The following SPATA3 variants were observed in gnomAD, a reference collection of about 807,000 sequenced individuals.
SPATA3 encodes spermatogenesis associated 3.
In SPATA3, 6 loss-of-function variants were observed where a neutral mutation model predicts 5.7. That is an observed-to-expected ratio of 1.06 (90% confidence interval 0.58 to 2.09). SPATA3 has a LOEUF of 2.09. SPATA3 is among the 30% of genes most tolerant of loss of function. The pLI is 0.00. For missense variants in SPATA3, 155 were observed against 130.4 expected (o/e 1.19, Z -0.92); for synonymous variants, 44 against 48.4 (o/e 0.91, Z 0.37).
At chr2:230,997,618 A>G (rs1374097710) in intron 1 of SPATA3, among the ~76,000 whole-genome samples, 2 of 152,266 alleles carry the variant, frequency 1.3e-5, no homozygotes, top group Non-Finnish European at 2.9e-5. Context: ...CATTAGTGAC[A>G]GAAAGCCTTC....
In SPATA3 at chr2:230,998,382, C is replaced by T. The variant is rs556927006; in HGVS notation, c.791-1984C>T. On this transcript the variant is annotated intron_variant, in intron 1 of 2. Transcript: ENST00000645363. ...GAGAGAAACATTTCTGGGTTATGAT[C>T]TTCAGAACTGGCATCTTCAGTACTG... 3.3e-5 allele frequency among the ~76,000 whole-genome samples: 5 copies of T among 152,304 alleles called. No individual in the cohort carries two copies. The East Asian group carries it at 9.6e-4, about 29-fold the overall frequency.
exon 2 of SPATA3, chr2:231,000,418 C>T (rs997970000): frequency 1.3e-6 from 2 of 1,545,628 alleles, no homozygotes; most frequent in Non-Finnish European, 1.7e-6. Flanking sequence ...CTTGCCCCTG[C>T]AGCTCCGCTT....
At chr2:231,007,811 A>G (rs938462140), downstream of SPATA3, among the ~76,000 whole-genome samples, 2 of 152,176 alleles carry the variant, frequency 1.3e-5, no homozygotes, top group Non-Finnish European at 2.9e-5. Flanking sequence ...TCTTAGTTCA[A>G]GGTGATCCCA....
chr2:231,002,414 C>T (rs975904374), intron 2 of SPATA3, among the ~76,000 whole-genome samples: 16 of 152,174 alleles, frequency 1.1e-4, no homozygotes, highest in African/African-American at 3.9e-4. Flanking sequence ...TCACAGCAGA[C>T]TTGACCACCT....
In SPATA3 at chr2:231,018,499, G is replaced by A. The variant is rs150029910; in HGVS notation, c.*566-1221G>A. ...TGGCCCTCTTTTAGTCTCATAGTTT[G>A]TGTGGTCCCTATGCACATGTTCTTG... On this transcript the variant is annotated intron_variant, in intron 6 of 8. Coordinates refer to the SPATA3 transcript ENST00000452881. Among the ~76,000 whole-genome samples the A allele has an allele frequency of 1.6e-3, 247 of 151,672 alleles. 4 individuals carry two copies. The highest frequency in any genetic ancestry group is 5.6e-3 in the African/African-American group (232 of 41,316).
chr2:231,009,475 G>A (rs1164381077), downstream of SPATA3, among the ~76,000 whole-genome samples: 1 of 152,202 alleles, frequency 6.6e-6, no homozygotes, highest in East Asian at 1.9e-4. Context: ...GCTGTTAGTA[G>A]TGAAGGCCAA....
chr2:231,001,213 A>T (rs1436675689), intron 2 of SPATA3, among the ~76,000 whole-genome samples: 1 of 152,038 alleles, frequency 6.6e-6, no homozygotes, highest in African/African-American at 2.4e-5. Flanking sequence ...CACCGCCCTC[A>T]TAGGAAGACC....
At chr2:231,002,787 T>G (rs1005030823) in exon 3 of SPATA3, 1 of 1,493,336 alleles carries the variant, frequency 6.7e-7, no homozygotes, top group Non-Finnish European at 8.9e-7. Flanking sequence ...ACTACATCAC[T>G]GAATCCTTGT....
intron 1 of SPATA3, chr2:230,999,606 T>C (rs1692268574): frequency 6.2e-6 from 1 of 161,036 alleles, no homozygotes; most frequent in African/African-American, 2.4e-5. Context: ...CAGGAGGGAA[T>C]AATCCAGCCA....
Position 231,015,320 on chromosome 2 carries a change from G to A in SPATA3, c.*565+1108G>A, listed in dbSNP as rs1028920057. ...TCACCATGTTGACCAGGCTGATCTC[G>A]AGCCACCTGCCTTGGCCTCCCAAAG... On this transcript the variant is annotated intron_variant, in intron 6 of 8. Transcript: ENST00000452881. Among the ~76,000 whole-genome samples the A allele has an allele frequency of 3.9e-5, 5 of 129,634 alleles. No individual in the cohort carries two copies. The Admixed American group carries it at 3.9e-4, about 10-fold the overall frequency. 85.0% of individuals were successfully genotyped at this position (129,634 alleles called of 152,430 possible).
Position 231,012,850 on chromosome 2 carries a change from T to A in SPATA3, c.*226+153T>A, listed in dbSNP as rs540680303. 5.3e-5 allele frequency among the ~76,000 whole-genome samples: 8 copies of A among 152,328 alleles called. No individual in the cohort carries two copies. In the East Asian group the frequency reaches 9.6e-4, roughly 18 times the overall value. On this transcript the variant is annotated intron_variant, in intron 5 of 8. Transcript: ENST00000452881. ...AAGCAAAAGAATCGTTTTGTTCTGA[T>A]GAAATTAACAATGAATTTGGTGAAA...
downstream of SPATA3, among the ~76,000 whole-genome samples, chr2:231,011,010 C>T (rs1692767361): frequency 7.4e-6 from 1 of 134,890 alleles, no homozygotes; most frequent in Non-Finnish European, 1.5e-5. Context: ...GAGGTCAAGG[C>T]TGCAGTAAGC....
chr2:231,014,500 G>T (rs574396024), intron 6 of SPATA3, among the ~76,000 whole-genome samples: 62 of 152,274 alleles, frequency 4.1e-4, no homozygotes, highest in African/African-American at 1.5e-3. Flanking sequence ...CTCGCTCTTG[G>T]GGTCTGGAGT....
chr2:231,001,304 G>T (rs1008520169), intron 2 of SPATA3, among the ~76,000 whole-genome samples: 1 of 152,094 alleles, frequency 6.6e-6, no homozygotes, highest in Non-Finnish European at 1.5e-5. Flanking sequence ...GAGAGGGGTC[G>T]CCATCTGCCC....
chr2:231,007,910 C>T (rs1351385989), downstream of SPATA3, among the ~76,000 whole-genome samples: 1 of 152,054 alleles, frequency 6.6e-6, no homozygotes, highest in Non-Finnish European at 1.5e-5. Flanking sequence ...TTTGGGAGGC[C>T]AAGACAGGAG....
chr2:230,996,225 G>A, intron 1 of SPATA3: 1 of 1,547,968 alleles, frequency 6.5e-7, no homozygotes. Context: ...TAGGTTGGGA[G>A]GATCTACCAT....
chr2:230,999,015 A>T (rs917625162), intron 1 of SPATA3, among the ~76,000 whole-genome samples: 1 of 152,240 alleles, frequency 6.6e-6, no homozygotes, highest in Non-Finnish European at 1.5e-5. Flanking sequence ...GAATGGATAA[A>T]CAAAATGTGG....
In SPATA3 at chr2:230,996,256, G is replaced by A. The variant is rs370294281; in HGVS notation, c.791-4110G>A. Reference sequence around the variant, plus strand: ...ACCATGAAGAAGGTCAAGAAGAAAAGGTCAGAGGCCAGACGCCACCGAGAC... The same window carrying A: ...ACCATGAAGAAGGTCAAGAAGAAAAAGTCAGAGGCCAGACGCCACCGAGAC... On this transcript the variant is annotated intron_variant, in intron 1 of 2. Transcript: ENST00000645363. 3.3e-6 allele frequency: 5 copies of A among 1,497,850 alleles called. No individual in the cohort carries two copies. The African/African-American group carries it at 7.1e-5, about 21-fold the overall frequency. The allele number at this position is 1,497,850 out of a possible 1,614,324, so 92.8% of individuals were successfully genotyped here. A position where few individuals can be genotyped will look rare whatever the true frequency, so the allele number is the denominator to read the frequency against.
downstream of SPATA3, among the ~76,000 whole-genome samples, chr2:231,006,015 AG>A: frequency 6.9e-6 from 1 of 145,060 alleles, no homozygotes; most frequent in African/African-American, 2.7e-5. Flanking sequence ...AAAAAAAAAA[AG>A]AGAAAGAAGA....
Sources: gnomAD v4.1 joint callset for allele counts (sites outside exome capture counted in the v4.1 genomes callset) on GRCh38, gnomAD v4.1.1 for gene constraint, MANE v1.5 for transcripts, NCBI Gene and HGNC (gene_info 2026-07-23, HGNC 2026-07-21) for gene names.